CDK14: variants seen among roughly 807,000 people sequenced by gnomAD.
CDK14 encodes cyclin-dependent kinase 14.
A neutral mutation model predicts 60.7 loss-of-function variants in CDK14; 34 were observed. That is an observed-to-expected ratio of 0.56 (90% CI 0.43 to 0.75). The LOEUF is 0.75. CDK14 is among the 30% of genes least tolerant of loss of function. The pLI is 0.00. For synonymous variants in CDK14, 197 were observed against 203.7 expected (o/e 0.97, Z 0.28); for missense variants, 482 against 564.1 (o/e 0.85, Z 1.47).
chr7:90,854,601 G>A (rs183515886), intron 5 of CDK14, among the ~76,000 whole-genome samples: 1 of 150,722 alleles, frequency 6.6e-6, no homozygotes, highest in African/African-American at 2.4e-5. Context: ...TGATATGAAT[G>A]GTTATTCTTC....
chr7:90,714,354 A>G (rs1453125627), intron 2 of CDK14, among the ~76,000 whole-genome samples: 1 of 152,072 alleles, frequency 6.6e-6, no homozygotes, highest in Non-Finnish European at 1.5e-5. Flanking sequence ...TGACAGACAA[A>G]CAGCAGGATG....
At chr7:90,665,328 A>T (rs1800953785) in intron 2 of CDK14, among the ~76,000 whole-genome samples, 1 of 152,118 alleles carries the variant, frequency 6.6e-6, no homozygotes, top group Non-Finnish European at 1.5e-5. Context: ...AAAAATAAAA[A>T]GCACTCATTC....
chr7:90,776,593 C>T (rs1415968146), intron 4 of CDK14, among the ~76,000 whole-genome samples: 2 of 152,182 alleles, frequency 1.3e-5, no homozygotes, highest in African/African-American at 4.8e-5. Context: ...AGAAGAAGTG[C>T]AAGCACTCAC....
chr7:90,941,535 G>A (rs28481989), intron 8 of CDK14, among the ~76,000 whole-genome samples: 61,636 of 151,882 alleles, frequency 0.41, 13,048 homozygotes, highest in East Asian at 0.52. Flanking sequence ...GCTCACTGCA[G>A]CCTTATATTC....
At chr7:90,663,636 A>C (rs1223657973) in intron 2 of CDK14, among the ~76,000 whole-genome samples, 2 of 152,198 alleles carry the variant, frequency 1.3e-5, no homozygotes, top group Non-Finnish European at 2.9e-5. Flanking sequence ...GTCTCTCTCA[A>C]AATTCATTGC....
intron 12 of CDK14, among the ~76,000 whole-genome samples, chr7:91,085,574 C>T (rs1342879336): frequency 6.6e-6 from 1 of 152,134 alleles, no homozygotes; most frequent in East Asian, 1.9e-4. Flanking sequence ...CAGGGGTTAA[C>T]AGGTGGACAT....
intron 14 of CDK14, among the ~76,000 whole-genome samples, chr7:91,158,871 T>C (rs1449203513): frequency 1.3e-5 from 2 of 152,218 alleles, no homozygotes; most frequent in African/African-American, 4.8e-5. Context: ...GTTCTTGAAC[T>C]TTAGGGCTTG....
chr7:90,951,488 G>T (rs1584159406), intron 8 of CDK14, among the ~76,000 whole-genome samples: 1 of 152,170 alleles, frequency 6.6e-6, no homozygotes, highest in Non-Finnish European at 1.5e-5. Context: ...GAGTAAGTCA[G>T]TGTTGCCACT....
intron 8 of CDK14, among the ~76,000 whole-genome samples, chr7:90,950,171 G>A (rs1039684937): frequency 2.0e-5 from 3 of 152,100 alleles, no homozygotes; most frequent in African/African-American, 7.2e-5. Context: ...CCGCCTCCTG[G>A]GTTCAAGTGA....
intron 14 of CDK14, among the ~76,000 whole-genome samples, chr7:91,135,203 C>A (rs1800241190): frequency 2.0e-5 from 3 of 151,162 alleles, no homozygotes; most frequent in Admixed American, 2.0e-4. Flanking sequence ...AAAAAGAAAA[C>A]TGGGGGACAG....
At chr7:91,114,431 G>C (rs1799552086) in intron 13 of CDK14, among the ~76,000 whole-genome samples, 1 of 152,066 alleles carries the variant, frequency 6.6e-6, no homozygotes, top group African/African-American at 2.4e-5. Context: ...CACCAGAGGG[G>C]AATTAAAACC....
intron 7 of CDK14, among the ~76,000 whole-genome samples, chr7:90,906,576 C>T (rs964293325): frequency 1.1e-4 from 16 of 152,160 alleles, no homozygotes; most frequent in Admixed American, 9.8e-4. Flanking sequence ...TATATATAAA[C>T]ATTTTAAACA....
intron 5 of CDK14, among the ~76,000 whole-genome samples, chr7:90,799,702 A>C (rs1788564282): frequency 6.7e-6 from 1 of 148,546 alleles, no homozygotes; most frequent in Non-Finnish European, 1.5e-5. Flanking sequence ...AAAAAAAAAA[A>C]AAAAAAAAAA....
At chr7:91,162,838 G>A (rs966134286) in intron 14 of CDK14, among the ~76,000 whole-genome samples, 3 of 152,314 alleles carry the variant, frequency 2.0e-5, no homozygotes, top group Admixed American at 2.0e-4. Context: ...ATAATTATTA[G>A]AGTTATAGGT....
At chr7:90,706,373 T>C (rs1801895593) in intron 2 of CDK14, among the ~76,000 whole-genome samples, 1 of 152,184 alleles carries the variant, frequency 6.6e-6, no homozygotes, top group Non-Finnish European at 1.5e-5. Context: ...ATTTCCACTC[T>C]ACATATGTCC....
intron 2 of CDK14, among the ~76,000 whole-genome samples, chr7:90,704,705 C>G (rs935356109): frequency 6.6e-6 from 1 of 152,060 alleles, no homozygotes; most frequent in African/African-American, 2.4e-5. Flanking sequence ...GGAGGAAAAT[C>G]TCAACATTGC....
At chr7:90,894,109 A>G (rs904884395) in intron 6 of CDK14, among the ~76,000 whole-genome samples, 2 of 152,164 alleles carry the variant, frequency 1.3e-5, no homozygotes, top group Non-Finnish European at 1.5e-5. Flanking sequence ...AATCACCGTC[A>G]TCATCATCAT....
intron 5 of CDK14, among the ~76,000 whole-genome samples, chr7:90,829,147 T>G (rs937466757): frequency 6.6e-6 from 1 of 152,162 alleles, no homozygotes; most frequent in African/African-American, 2.4e-5. Flanking sequence ...ACTACCCCCA[T>G]GTAATACCTA....
intron 2 of CDK14, among the ~76,000 whole-genome samples, chr7:90,638,268 C>T (rs1188932881): frequency 1.3e-5 from 2 of 152,178 alleles, no homozygotes; most frequent in Non-Finnish European, 2.9e-5. Context: ...GCAGCTGGTA[C>T]TGGTTGTGCC....
Sources: allele counts gnomAD v4.1 joint callset (sites outside exome capture counted in the v4.1 genomes callset), GRCh38; gene constraint gnomAD v4.1.1; transcripts MANE v1.5; gene names NCBI Gene and HGNC (gene_info 2026-07-23, HGNC 2026-07-21).